Variants in TENM2 observed in about 807,000 individuals in gnomAD.
TENM2 encodes teneurin-2.
A neutral mutation model predicts 245.2 loss-of-function variants in TENM2; 52 were observed. The ratio of observed to expected loss-of-function variants is 0.21; its 90% CI spans 0.17 to 0.27. The LOEUF is 0.27. TENM2 is among the 10% of genes least tolerant of loss of function. TENM2 has a pLI of 1.00. For missense variants in TENM2, 3,046 were observed against 3,666.8 expected, an observed-to-expected ratio of 0.83 and a Z score of 4.37; for synonymous variants, 1,363 against 1,438.9, an observed-to-expected ratio of 0.95 and a Z score of 1.19.
chr5:168,247,774 G>A lies in TENM2; in HGVS notation c.6835G>A (p.Glu2279Lys), dbSNP rs766005930. The change falls in exon 27 of 29, where the codon GAA (glutamate) becomes AAA (lysine). Residue 2279 changes from glutamate to lysine, a missense_variant. Transcript: ENST00000518659. The surrounding 1 kb of genome is among the most constrained non-coding windows in gnomAD (Gnocchi z 7.8). ...GTGCCAGAGAGGGTCTGACATCTTC[G>A]AATACAATTCCAAGGGCCTCCTAAC... The A allele has an allele frequency of 2.0e-5, 32 of 1,613,778 alleles. No individual in the cohort carries two copies. Among genetic ancestry groups the A allele is most frequent in the Middle Eastern group, 1.6e-4 (1 of 6,084 alleles).
intron 25 of TENM2, among the ~76,000 whole-genome samples, chr5:168,238,212 AGGG>A (rs1765709629): frequency 6.4e-5 from 6 of 94,290 alleles, no homozygotes; most frequent in African/African-American, 1.9e-4. Flanking sequence ...GGAGGGAGGG[AGGG>A]AGAGAGAAGA....
chr5:167,874,798 T>C (rs1485758483), intron 2 of TENM2, among the ~76,000 whole-genome samples: 5 of 152,310 alleles, frequency 3.3e-5, no homozygotes, highest in African/African-American at 9.6e-5. Flanking sequence ...GAGGACAACT[T>C]CTTGACCCAA....
At chr5:167,697,353 A>G (rs1291062108) in intron 2 of TENM2, among the ~76,000 whole-genome samples, 1 of 152,110 alleles carries the variant, frequency 6.6e-6, no homozygotes, top group African/African-American at 2.4e-5. Context: ...ACTTTTCCTT[A>G]TAAGGACTTA....
intron 5 of TENM2, among the ~76,000 whole-genome samples, chr5:168,001,231 A>G (rs1784399774): frequency 6.6e-6 from 1 of 152,192 alleles, no homozygotes; most frequent in African/African-American, 2.4e-5. Flanking sequence ...GTTAGAAAGC[A>G]CTTAGGCAAA....
intron 7 of TENM2, among the ~76,000 whole-genome samples, chr5:168,086,283 A>C (rs902662277): frequency 6.6e-6 from 1 of 152,170 alleles, no homozygotes; most frequent in African/African-American, 2.4e-5. Context: ...CTTAATTACC[A>C]TTCCTCCTCA....
chr5:167,064,852 A>T, the TENM2 span, among the ~76,000 whole-genome samples: 2 of 152,206 alleles, frequency 1.3e-5, no homozygotes, highest in East Asian at 1.9e-4. Context: ...AATTGAAAAT[A>T]AATTTTGTTC....
At chr5:167,391,066 A>G (rs1581918196) in intron 2 of TENM2, among the ~76,000 whole-genome samples, 1 of 152,050 alleles carries the variant, frequency 6.6e-6, no homozygotes, top group Non-Finnish European at 1.5e-5. Flanking sequence ...CCCCAAACCC[A>G]CCTACCCATC....
chr5:167,582,002 G>A (rs375564785), intron 2 of TENM2, among the ~76,000 whole-genome samples: 3 of 152,222 alleles, frequency 2.0e-5, no homozygotes, highest in East Asian at 1.9e-4. Context: ...GCCTCATCAG[G>A]AGGAGAGTTG....
intron 5 of TENM2, among the ~76,000 whole-genome samples, chr5:168,012,678 G>A (rs1313090010): frequency 6.8e-6 from 1 of 147,440 alleles, no homozygotes; most frequent in African/African-American, 2.5e-5. Flanking sequence ...AAAAACTGAA[G>A]GTGAGGGGGC....
chr5:167,838,007 G>C (rs1309293995), intron 2 of TENM2, among the ~76,000 whole-genome samples: 1 of 152,128 alleles, frequency 6.6e-6, no homozygotes, highest in Non-Finnish European at 1.5e-5. Context: ...ATCCCCACCT[G>C]GTTTAGTATT....
intron 18 of TENM2, 97 bp from the exon 21 acceptor site, chr5:168,204,275 A>T: frequency 7.4e-7 from 1 of 1,344,472 alleles, no homozygotes; most frequent in Non-Finnish European, 1.0e-6. Flanking sequence ...AGCACTGAAG[A>T]TTCCTAATTT....
chr5:168,138,878 CTG>C (rs913674523), intron 12 of TENM2, among the ~76,000 whole-genome samples: 1 of 152,194 alleles, frequency 6.6e-6, no homozygotes, highest in Non-Finnish European at 1.5e-5. Flanking sequence ...TGAGCCACCT[CTG>C]TGTGAATATC....
intron 2 of TENM2, among the ~76,000 whole-genome samples, chr5:167,731,098 T>A (rs1760394459): frequency 6.6e-6 from 1 of 152,066 alleles, no homozygotes; most frequent in Non-Finnish European, 1.5e-5. Context: ...CACCTGATCA[T>A]TCCACCCTTG....
intron 2 of TENM2, among the ~76,000 whole-genome samples, chr5:167,639,026 A>T (rs1014879921): frequency 4.6e-5 from 7 of 152,224 alleles, no homozygotes; most frequent in African/African-American, 1.7e-4. Flanking sequence ...ATTATGATAC[A>T]AGCATATCAA....
chr5:168,086,822 A>G (rs1581257978), intron 7 of TENM2, among the ~76,000 whole-genome samples: 1 of 152,336 alleles, frequency 6.6e-6, no homozygotes, highest in African/African-American at 2.4e-5. Flanking sequence ...ATCAATTCCC[A>G]GTGTTGAGGG....
At chr5:167,452,932 TA>T (rs67318622) in intron 2 of TENM2, among the ~76,000 whole-genome samples, 6,545 of 13,794 alleles carry the variant, frequency 0.47, 433 homozygotes, top group Non-Finnish European at 0.52. Context: ...AAGTATGATT[TA>T]TATATATATA....
chr5:167,466,786 G>A (rs1004984963), intron 2 of TENM2, among the ~76,000 whole-genome samples: 3 of 152,046 alleles, frequency 2.0e-5, no homozygotes, highest in South Asian at 4.2e-4. Flanking sequence ...AAATTTGGCC[G>A]AGTTCTGACT....
At chr5:166,988,741 C>G in the TENM2 span, among the ~76,000 whole-genome samples, 3 of 152,188 alleles carry the variant, frequency 2.0e-5, no homozygotes, top group Non-Finnish European at 2.9e-5. Flanking sequence ...CTCCATGTCC[C>G]TCACACTGGA....
At chr5:167,078,983 A>G in the TENM2 span, among the ~76,000 whole-genome samples, 1 of 152,114 alleles carries the variant, frequency 6.6e-6, no homozygotes, top group African/African-American at 2.4e-5. Flanking sequence ...CTAGAGAGGG[A>G]AAAAGACACT....
Sources: gnomAD v4.1 joint callset for allele counts (sites outside exome capture counted in the v4.1 genomes callset) on GRCh38, gnomAD v4.1.1 for gene constraint, Gnocchi (gnomAD v3.1) non-coding constraint, MANE v1.5 for transcripts, NCBI Gene and HGNC (gene_info 2026-07-23, HGNC 2026-07-21) for gene names.